The following RYR2 variants were observed in gnomAD, a reference collection of about 807,000 sequenced individuals.
RYR2 encodes cardiac muscle ryanodine receptor-calcium release channel.
RYR2 carries 227 observed loss-of-function variants against 601.1 expected under a neutral mutation model. The ratio of observed to expected loss-of-function variants is 0.38; its 90% CI spans 0.34 to 0.42. The LOEUF is 0.42. Among genes scored for constraint, RYR2 ranks in the 10% least tolerant of loss-of-function variants. The pLI is 1.00. For missense variants in RYR2, 4,646 were observed against 6,156.5 expected, an observed-to-expected ratio of 0.75 and a Z score of 8.21; for synonymous variants, 2,223 against 2,175.1, an observed-to-expected ratio of 1.02 and a Z score of -0.61.
intron 25 of RYR2, among the ~76,000 whole-genome samples, chr1:237,534,466 C>T (rs1668414826): frequency 6.6e-6 from 1 of 151,896 alleles, no homozygotes; most frequent in African/African-American, 2.4e-5. Context: ...CAATTAAAAG[C>T]TTGACATATA....
chr1:237,478,989 CAGTGAA>C (rs1661724852), intron 17 of RYR2, among the ~76,000 whole-genome samples: 2 of 152,198 alleles, frequency 1.3e-5, no homozygotes, highest in Admixed American at 1.3e-4. Context: ...TGTAGAATTT[CAGTGAA>C]AGTGAAAGTG....
At chr1:237,573,538 T>C (rs1672919460) in intron 29 of RYR2, among the ~76,000 whole-genome samples, 1 of 149,130 alleles carries the variant, frequency 6.7e-6, no homozygotes, top group Non-Finnish European at 1.5e-5. Context: ...AGGGTTGTTC[T>C]ATAAAGGTAC....
chr1:237,166,747 G>T (rs1479011435), intron 1 of RYR2, among the ~76,000 whole-genome samples: 1 of 152,230 alleles, frequency 6.6e-6, no homozygotes, highest in Non-Finnish European at 1.5e-5. Context: ...AAATTGTACT[G>T]CAGTGCAGAA....
chr1:237,101,537 ACT>A (rs1038423316), intron 1 of RYR2, among the ~76,000 whole-genome samples: 3 of 152,054 alleles, frequency 2.0e-5, no homozygotes, highest in Admixed American at 6.6e-5. Flanking sequence ...ACACACACAC[ACT>A]CTCGATCTTA....
chr1:237,733,288 G>A (rs916987321), intron 78 of RYR2, among the ~76,000 whole-genome samples: 7 of 151,956 alleles, frequency 4.6e-5, no homozygotes, highest in African/African-American at 1.7e-4. Flanking sequence ...CATTATTATG[G>A]CCATCTTGTT....
chr1:237,045,653 A>C (rs1392616984), intron 1 of RYR2, among the ~76,000 whole-genome samples: 3 of 152,198 alleles, frequency 2.0e-5, no homozygotes, highest in Non-Finnish European at 4.4e-5. Context: ...ATTCACTGTC[A>C]TATCCAAACA....
intron 80 of RYR2, among the ~76,000 whole-genome samples, chr1:237,748,235 T>C (rs771737937): frequency 1.3e-5 from 2 of 152,054 alleles, no homozygotes; most frequent in Non-Finnish European, 1.5e-5. Context: ...AGCAGTACAG[T>C]GTGTTGCTCA....
At chr1:237,254,302 G>A (rs1256606793) in intron 1 of RYR2, among the ~76,000 whole-genome samples, 1 of 152,138 alleles carries the variant, frequency 6.6e-6, no homozygotes, top group East Asian at 1.9e-4. Context: ...ATACAAGAAA[G>A]AACCATGTCT....
intron 1 of RYR2, among the ~76,000 whole-genome samples, chr1:237,181,058 A>C (rs1678698331): frequency 6.6e-6 from 1 of 151,886 alleles, no homozygotes; most frequent in Non-Finnish European, 1.5e-5. Context: ...ACCTTGGCTC[A>C]TTGCAACCTC....
At chr1:237,345,596 AT>A (rs1376824812) in intron 3 of RYR2, among the ~76,000 whole-genome samples, 3 of 152,098 alleles carry the variant, frequency 2.0e-5, no homozygotes, top group South Asian at 2.1e-4. Context: ...AATCAACTTG[AT>A]TTTTTTCTAT....
At chr1:237,411,101 T>C (rs1311711528) in intron 10 of RYR2, among the ~76,000 whole-genome samples, 2 of 152,064 alleles carry the variant, frequency 1.3e-5, no homozygotes, top group African/African-American at 4.8e-5. Flanking sequence ...GGAATTCAAA[T>C]TCATGGAAGG....
At position 237,240,694 on chromosome 1, in the gene RYR2, G is replaced by T. The variant is rs1303847034; in HGVS notation, c.49-29803G>T. Among the ~76,000 whole-genome samples the T allele has an allele frequency of 1.1e-4, 13 of 115,650 alleles. No individual in the cohort carries two copies. The South Asian group carries it at 3.5e-3, about 31-fold the overall frequency. The allele number at this position is 115,650 out of a possible 152,430, so 75.9% of individuals were successfully genotyped here. On this transcript the variant is annotated intron_variant, in intron 1 of 104. Coordinates refer to ENST00000366574, the MANE Select transcript of RYR2 (RefSeq NM_001035.3). ...AAAAAAAAAAAAAAAAAAAAACAGT[G>T]GGTCAGACATACCATGTAGAGGATG...
chr1:237,382,623 G>A (rs958890559), intron 8 of RYR2, among the ~76,000 whole-genome samples: 2 of 146,698 alleles, frequency 1.4e-5, no homozygotes, highest in South Asian at 2.1e-4. Context: ...GAGAACATTC[G>A]GTGTTTCGTT....
chr1:237,606,975 G>A (rs540117402), intron 35 of RYR2, among the ~76,000 whole-genome samples: 18 of 152,298 alleles, frequency 1.2e-4, no homozygotes, highest in Non-Finnish European at 2.1e-4. Context: ...CACTGTTGGT[G>A]GGACTGTAAA....
intron 101 of RYR2, among the ~76,000 whole-genome samples, chr1:237,826,822 A>G (rs2819742): frequency 0.7 from 107,021 of 152,000 alleles, 39,615 homozygotes; most frequent in East Asian, 0.94. Context: ...TATTTTATGC[A>G]TGAAGTAACT....
rs2148728141 is a variant in RYR2 at position 237,639,116 on chromosome 1, C to T, written c.7030C>T (p.Leu2344Phe). The T allele has an allele frequency of 6.2e-7, 1 of 1,613,844 alleles. No individual in the cohort carries two copies. Among genetic ancestry groups the T allele is most frequent in the Admixed American group, 1.7e-5 (1 of 59,994 alleles). The change falls in exon 46 of 105, where the codon CTT (leucine) becomes TTT (phenylalanine). Residue 2344 changes from leucine to phenylalanine, a missense_variant. By Grantham distance (22) the Leu-to-Phe change is conservative. Around this residue, in one of 17 missense-constraint regions of RYR2, gnomAD observed 1,497 missense variants for 1,842.6 expected, o/e 0.81. Coordinates refer to ENST00000366574, the MANE Select transcript of RYR2 (RefSeq NM_001035.3). ...GAGAGGAGAAGGTGGGAATGGGCTT[C>T]TTGCAGCAATGGAAGAAGCCATCAA... ...ALRGEGGNGLLAAMEEAIKIA... is the reference protein window; with the variant it reads ...ALRGEGGNGLFAAMEEAIKIA...
intron 2 of RYR2, among the ~76,000 whole-genome samples, chr1:237,286,957 T>C (rs1226632677): frequency 1.3e-5 from 2 of 152,206 alleles, no homozygotes; most frequent in African/African-American, 2.4e-5. Flanking sequence ...TTTGATGTGT[T>C]TCCAGGATTT....
chr1:237,801,237 A>C (rs964074691), intron 97 of RYR2, among the ~76,000 whole-genome samples: 2 of 152,212 alleles, frequency 1.3e-5, no homozygotes, highest in East Asian at 3.9e-4. Context: ...TCAAGGAATA[A>C]ATGTTATATG....
At position 237,493,082 on chromosome 1, in the gene RYR2, C is replaced by T; in HGVS notation, c.1956C>T (p.Val652=). 1 of 1,613,572 alleles carries T rather than the reference C, an allele frequency of 6.2e-7. No individual in the cohort carries two copies. The highest frequency in any genetic ancestry group is 8.5e-7 in the Non-Finnish European group (1 of 1,179,780). Residue 652 remains valine (V), a synonymous_variant, in exon 19 of 105, where the codon GTC becomes GTT. Coordinates refer to ENST00000366574, the MANE Select transcript of RYR2 (RefSeq NM_001035.3). ...LLLQTRLVNH[V]SSMRPNIFLG... ...TGCAGACACGTCTTGTGAACCATGT[C>T]AGCAGGTAAATTCAGACAGACAATG...
Sources: gnomAD v4.1 joint callset for allele counts (sites outside exome capture counted in the v4.1 genomes callset) on GRCh38, gnomAD v4.1.1 for gene constraint, gnomAD v4.1.1 regional missense constraint, MANE v1.5 for transcripts, NCBI Gene and HGNC (gene_info 2026-07-23, HGNC 2026-07-21) for gene names.